Variants in FRYL observed in about 807,000 individuals in gnomAD.
FRYL encodes protein furry homolog-like.
In FRYL, 150 loss-of-function variants were observed where a neutral mutation model predicts 351.2. The observed-to-expected ratio is 0.43, with a 90% confidence interval of 0.37 to 0.49. The LOEUF (loss-of-function observed/expected upper bound fraction) is 0.49. Among genes scored for constraint, FRYL ranks in the 20% least tolerant of loss-of-function variants. FRYL has a pLI of 0.00. For synonymous variants in FRYL, 1,153 were observed against 1,257.1 expected, an observed-to-expected ratio of 0.92 and a Z score of 1.75; for missense variants, 3,036 against 3,619.3, an observed-to-expected ratio of 0.84 and a Z score of 4.13.
intron 4 of FRYL, among the ~76,000 whole-genome samples, chr4:48,631,819 T>G (rs930864281): frequency 9.9e-5 from 15 of 151,448 alleles, no homozygotes; most frequent in African/African-American, 2.4e-4. Context: ...CCCAGGACTT[T>G]GGGAGACCAA....
chr4:48,636,446 G>A (rs1578458181), intron 3 of FRYL, among the ~76,000 whole-genome samples: 1 of 151,862 alleles, frequency 6.6e-6, no homozygotes, highest in South Asian at 2.1e-4. Flanking sequence ...ACTAACCTAG[G>A]TACTTCAATT....
chr4:48,751,838 A>ATT (rs11413230), intron 1 of FRYL, among the ~76,000 whole-genome samples: 4,835 of 145,468 alleles, frequency 0.033, 201 homozygotes, highest in African/African-American at 0.099. Flanking sequence ...AAGAGATTCA[A>ATT]TTTTTTTTTT....
intron 1 of FRYL, among the ~76,000 whole-genome samples, chr4:48,715,511 C>T (rs1217105694): frequency 6.6e-6 from 1 of 151,246 alleles, no homozygotes; most frequent in Non-Finnish European, 1.5e-5. Flanking sequence ...CATGAGTGAA[C>T]TCCCATTCAC....
In FRYL at chr4:48,609,003, C is replaced by A. The variant is rs1394083065; in HGVS notation, c.556G>T (p.Val186Phe). ...IADLYAEVIG[V>F]LAQSKFQAVR... ...AAAACTTACTTTGATTGGGCAAGAA[C>A]CCCTATCACCTCTGCATATAAATCA... Residue 186 changes from valine to phenylalanine, a missense_variant, in exon 9 of 64, where the codon GTT (valine) becomes TTT (phenylalanine). Val to Phe is a conservative substitution (Grantham distance 50). This residue lies in a region of FRYL where 457 missense variants were observed against 566.6 expected (regional missense o/e 0.81). Transcript: ENST00000358350. 1 of 1,607,542 alleles carries A rather than the reference C, an allele frequency of 6.2e-7. No individual in the cohort carries two copies.
intron 23 of FRYL, 68 bp from the exon 24 acceptor site, chr4:48,576,290 C>T (rs1739583317): frequency 9.0e-7 from 1 of 1,115,134 alleles, no homozygotes; most frequent in East Asian, 2.8e-5. Context: ...TTTATTTTAA[C>T]TAATGCTAAA....
intron 1 of FRYL, among the ~76,000 whole-genome samples, chr4:48,715,884 G>A (rs1215149044): frequency 6.6e-6 from 1 of 152,042 alleles, no homozygotes; most frequent in Non-Finnish European, 1.5e-5. Context: ...ATACTACAAG[G>A]CTACAGTAAC....
chr4:48,580,680 A>G, intron 22 of FRYL, 185 bp downstream of exon 22: 1 of 477,580 alleles, frequency 2.1e-6, no homozygotes, highest in East Asian at 3.2e-5. Flanking sequence ...AGAGTACTTA[A>G]CCAAGTATAA....
intron 26 of FRYL, among the ~76,000 whole-genome samples, chr4:48,572,537 T>G (rs1370356189): frequency 6.6e-6 from 1 of 152,224 alleles, no homozygotes; most frequent in Admixed American, 6.5e-5. Context: ...AAAATTCATC[T>G]GAAATATCAG....
chr4:48,593,888 A>C (rs1366976870), intron 16 of FRYL, 42 bp downstream of exon 16: 1 of 964,830 alleles, frequency 1.0e-6, no homozygotes, highest in South Asian at 2.3e-5. Context: ...CTCTTAAAAA[A>C]AAAATCTAGG....
chr4:48,660,114 G>A (rs79794537), intron 3 of FRYL, among the ~76,000 whole-genome samples: 3,962 of 151,502 alleles, frequency 0.026, 67 homozygotes, highest in Admixed American at 0.046. Context: ...GAAAGACAAG[G>A]GCTCAAAAAA....
At chr4:48,733,329 T>C (rs1249671008) in intron 1 of FRYL, among the ~76,000 whole-genome samples, 3 of 150,708 alleles carry the variant, frequency 2.0e-5, no homozygotes, top group Admixed American at 2.0e-4. Context: ...TAGAATTCTG[T>C]ATCCTGTGAA....
intron 1 of FRYL, among the ~76,000 whole-genome samples, chr4:48,773,796 G>A (rs1164819530): frequency 2.0e-5 from 3 of 152,108 alleles, no homozygotes; most frequent in Non-Finnish European, 2.9e-5. Context: ...ACATGCCTGT[G>A]GTTCCAGCTA....
At chr4:48,535,422 C>T (rs1399341031) in intron 48 of FRYL, among the ~76,000 whole-genome samples, 2 of 151,992 alleles carry the variant, frequency 1.3e-5, no homozygotes, top group African/African-American at 4.8e-5. Flanking sequence ...TTCTTTTACA[C>T]TTGATAGGAA....
chr4:48,545,835 C>T (rs1210841172), intron 42 of FRYL, among the ~76,000 whole-genome samples: 1 of 152,140 alleles, frequency 6.6e-6, no homozygotes, highest in Non-Finnish European at 1.5e-5. Context: ...AGATAATACT[C>T]ATTCTCTTTG....
intron 1 of FRYL, among the ~76,000 whole-genome samples, chr4:48,767,635 G>A (rs1336935057): frequency 2.0e-5 from 3 of 152,210 alleles, no homozygotes; most frequent in African/African-American, 7.2e-5. Context: ...GAGTAACAGA[G>A]TAGAATGGTG....
chr4:48,565,451 T>G (rs1339059846), intron 29 of FRYL, 80 bp downstream of exon 29: 6 of 1,097,806 alleles, frequency 5.5e-6, no homozygotes, highest in Non-Finnish European at 7.6e-6. Context: ...AGATCCTCTT[T>G]TTAATACTAG....
chr4:48,619,504 T>C (rs1750227390), intron 6 of FRYL, 134 bp from the exon 7 acceptor site: 5 of 517,448 alleles, frequency 9.7e-6, no homozygotes, highest in East Asian at 6.6e-5. Flanking sequence ...ATGAAGCTTT[T>C]TGTTTTTTAT....
intron 55 of FRYL, among the ~76,000 whole-genome samples, chr4:48,519,827 G>A (rs751651633): frequency 4.0e-4 from 60 of 150,506 alleles, no homozygotes; most frequent in Non-Finnish European, 7.4e-4. Flanking sequence ...TCCGCCTCCC[G>A]GGTTCAAGTG....
Position 48,589,783 on chromosome 4 carries a change from AC to A in FRYL, c.1601del (p.Ser534MetfsTer12). On this transcript the variant is annotated frameshift_variant, in exon 18 of 64. Coordinates refer to ENST00000358350, the MANE Select transcript of FRYL (RefSeq NM_015030.2). LOFTEE classifies it high-confidence loss of function. ...KEVGRPMCMT[S>X]VQMSNKEPED... The stretch of plus-strand genomic sequence containing the variant: ...CAGGCTCCTTATTAGACATCTGCAC[AC>A]TGGTCATACACATTGGTCTCCCAAC... The A allele has an allele frequency of 6.2e-7, 1 of 1,613,878 alleles. No individual in the cohort carries two copies. Among genetic ancestry groups the A allele is most frequent in the Non-Finnish European group, 8.5e-7 (1 of 1,179,820 alleles).
Sources: gnomAD v4.1 joint callset for allele counts (sites outside exome capture counted in the v4.1 genomes callset) on GRCh38, gnomAD v4.1.1 for gene constraint, gnomAD v4.1.1 regional missense constraint, MANE v1.5 for transcripts, NCBI Gene and HGNC (gene_info 2026-07-23, HGNC 2026-07-21) for gene names.